Variants in RNF11 observed in about 807,000 individuals in gnomAD.
RNF11 encodes the protein ring finger protein 11.
Under a neutral mutation model 15.8 loss-of-function variants are expected in RNF11, and 4 were observed. The ratio of observed to expected loss-of-function variants is 0.25; its 90% CI spans 0.12 to 0.58. The LOEUF (loss-of-function observed/expected upper bound fraction) is 0.58. Among genes scored for constraint, RNF11 ranks in the 20% least tolerant of loss-of-function variants. The pLI, the probability that RNF11 is intolerant of heterozygous loss-of-function variation, is 0.91. For missense variants in RNF11, 139 were observed against 194.4 expected (o/e 0.71, Z 1.70); for synonymous variants, 68 against 72.3 (o/e 0.94, Z 0.30).
chr1:51,261,230 G>T (rs1051780316), intron 1 of RNF11, among the ~76,000 whole-genome samples: 2 of 152,090 alleles, frequency 1.3e-5, no homozygotes, highest in Admixed American at 1.3e-4. Context: ...ACCCTTTAAG[G>T]TCAGGGATAG....
Position 51,236,660 on chromosome 1 carries a change from C to T in RNF11, c.-97C>T. ...CTCCGCCTGATCCCCGGCCTGTCGC[C>T]CGACCCCACCTCGCCAACCGAGGCG... On this transcript the variant is annotated 5_prime_UTR_variant, in exon 1 of 3. Transcript: ENST00000242719. 2 of 1,541,256 alleles carry T rather than the reference C, an allele frequency of 1.3e-6. No individual in the cohort carries two copies. The highest frequency in any genetic ancestry group is 1.8e-6 in the Non-Finnish European group (2 of 1,129,624).
chr1:51,241,575 A>G (rs183824436), intron 1 of RNF11, among the ~76,000 whole-genome samples: 1 of 152,366 alleles, frequency 6.6e-6, no homozygotes, highest in Non-Finnish European at 1.5e-5. Flanking sequence ...TATTTATGTA[A>G]TGGGAAAGTA....
intron 1 of RNF11, among the ~76,000 whole-genome samples, chr1:51,253,700 A>G (rs1646891646): frequency 6.6e-6 from 1 of 152,174 alleles, no homozygotes; most frequent in Non-Finnish European, 1.5e-5. Flanking sequence ...AATTTTATGA[A>G]GAAGAATGTT....
chr1:51,263,963 G>A (rs1031173504), intron 1 of RNF11, among the ~76,000 whole-genome samples: 2 of 152,028 alleles, frequency 1.3e-5, no homozygotes, highest in African/African-American at 2.4e-5. Flanking sequence ...GCTGAGATGT[G>A]CTTTTTAAGG....
chr1:51,244,572 G>A (rs1434325397), intron 1 of RNF11, among the ~76,000 whole-genome samples: 1 of 152,014 alleles, frequency 6.6e-6, no homozygotes, highest in Non-Finnish European at 1.5e-5. Flanking sequence ...ATTTTTAGTA[G>A]GGACGGGGTT....
At chr1:51,243,850 T>C (rs12728955) in intron 1 of RNF11, among the ~76,000 whole-genome samples, 6,221 of 152,344 alleles carry the variant, frequency 0.041, 189 homozygotes, top group Non-Finnish European at 0.061. Context: ...GTGCTTTCTT[T>C]TATACAACCT....
chr1:51,257,450 A>AT (rs1415674508), intron 1 of RNF11, among the ~76,000 whole-genome samples: 7 of 151,730 alleles, frequency 4.6e-5, no homozygotes, highest in Admixed American at 1.3e-4. Context: ...TTTTATTTAC[A>AT]TTTTTTGTTT....
chr1:51,267,177 T>G (rs1279326458), intron 1 of RNF11, among the ~76,000 whole-genome samples: 1 of 152,190 alleles, frequency 6.6e-6, no homozygotes, highest in African/African-American at 2.4e-5. Context: ...AGTTGGAGGT[T>G]GCAGTGAGAT....
Position 51,250,676 on chromosome 1 carries a change from T to G in RNF11, c.123+13797T>G, listed in dbSNP as rs1646873229. ...GGGCCTTGATGAGGTGGTCAGTGAATTCCTGATCGGGAGACTTGGTAAATA... is the reference window on the plus strand; with the variant it reads ...GGGCCTTGATGAGGTGGTCAGTGAAGTCCTGATCGGGAGACTTGGTAAATA... On this transcript the variant is annotated intron_variant, in intron 1 of 2. Transcript: ENST00000242719. The G allele has an allele frequency of 1.0e-5, 9 of 904,078 alleles. No individual in the cohort carries two copies. In the East Asian group the frequency reaches 2.1e-4, roughly 21 times the overall value. 56.0% of individuals were successfully genotyped at this position (904,078 alleles called of 1,614,324 possible). A position where few individuals can be genotyped will look rare whatever the true frequency, so the allele number is the denominator to read the frequency against.
chr1:51,246,982 AAAAAAAAAAAAAAAG>A (rs1646854727), intron 1 of RNF11, among the ~76,000 whole-genome samples: 1 of 150,118 alleles, frequency 6.7e-6, no homozygotes, highest in Non-Finnish European at 1.5e-5. Flanking sequence ...TATCTCTTAA[AAAAAAAAAAAAAAAG>A]GAAAAAATAA....
Position 51,236,646 on chromosome 1 carries a change from C to T in RNF11, c.-111C>T, listed in dbSNP as rs1646804182. ...GGCGGTGGAGTCGCCTCCGCCTGATCCCCGGCCTGTCGCCCGACCCCACCT... is the reference window on the plus strand; with the variant it reads ...GGCGGTGGAGTCGCCTCCGCCTGATTCCCGGCCTGTCGCCCGACCCCACCT... On this transcript the variant is annotated 5_prime_UTR_variant, in exon 1 of 3. Transcript: ENST00000242719. The T allele has an allele frequency of 6.8e-6, 10 of 1,468,408 alleles. No individual in the cohort carries two copies. Among genetic ancestry groups the T allele is most frequent in the Admixed American group, 1.8e-5 (1 of 55,880 alleles). 91.0% of individuals were successfully genotyped at this position (1,468,408 alleles called of 1,614,324 possible). A position where few individuals can be genotyped will look rare whatever the true frequency, so the allele number is the denominator to read the frequency against.
chr1:51,252,081 C>CAAAAAAAAAAAAAAAAA (rs928146865), intron 1 of RNF11, among the ~76,000 whole-genome samples: 1 of 53,638 alleles, frequency 1.9e-5, no homozygotes, highest in Non-Finnish European at 3.6e-5. Context: ...CATCTCAAAG[C>CAAAAAAAAAAAAAAAAA]AAAAAAAAAA....
Position 51,272,438 on chromosome 1 carries a change from AAGC to A in RNF11, c.*1119_*1121del, listed in dbSNP as rs1646983538. ...ATCCTGCTAGCTGACTGACAAAACTAAGCAGGGAGAATAAAGATAATTGTATTT... is the reference window on the plus strand; with the variant it reads ...ATCCTGCTAGCTGACTGACAAAACTAAGGGAGAATAAAGATAATTGTATTT... On this transcript the variant is annotated 3_prime_UTR_variant, in exon 3 of 3. Transcript: ENST00000242719. The A allele has an allele frequency of 6.6e-6, 1 of 152,610 alleles. No individual in the cohort carries two copies. Among genetic ancestry groups the A allele is most frequent in the Non-Finnish European group, 1.5e-5 (1 of 68,024 alleles). The allele number at this position is 152,610 out of a possible 1,614,324, so 9.5% of individuals were successfully genotyped here.
intron 2 of RNF11, 36 bp downstream of exon 2, chr1:51,270,161 A>T: frequency 1.3e-6 from 2 of 1,532,622 alleles, no homozygotes; most frequent in Non-Finnish European, 1.8e-6. Flanking sequence ...TCAAAGTTTT[A>T]TTTTCAGATT....
intron 1 of RNF11, among the ~76,000 whole-genome samples, chr1:51,254,097 C>G (rs1222659585): frequency 6.6e-6 from 1 of 152,176 alleles, no homozygotes; most frequent in African/African-American, 2.4e-5. Flanking sequence ...TAAAGCATAC[C>G]TCTTTGGTGA....
At chr1:51,253,678 T>G (rs1034463555) in intron 1 of RNF11, among the ~76,000 whole-genome samples, 1 of 152,180 alleles carries the variant, frequency 6.6e-6, no homozygotes, top group African/African-American at 2.4e-5. Context: ...GGATATAAAA[T>G]ACACTGCCAT....
intron 1 of RNF11, among the ~76,000 whole-genome samples, chr1:51,263,811 A>G (rs963455581): frequency 1.3e-5 from 2 of 152,150 alleles, no homozygotes; most frequent in African/African-American, 4.8e-5. Flanking sequence ...AAAATTGATA[A>G]GTGATGGTTG....
At chr1:51,262,439 A>T (rs1646934312) in intron 1 of RNF11, among the ~76,000 whole-genome samples, 1 of 152,268 alleles carries the variant, frequency 6.6e-6, no homozygotes, top group South Asian at 2.1e-4. Context: ...TACTGAAAGT[A>T]AAAGTAACCA....
In RNF11 at chr1:51,249,348, A is replaced by C. The variant is rs74083035; in HGVS notation, c.123+12469A>C. Among the ~76,000 whole-genome samples, 1,344 of 152,250 alleles carry C rather than the reference A, an allele frequency of 8.8e-3. 15 individuals carry two copies. Among genetic ancestry groups the C allele is most frequent in the African/African-American group, 0.031 (1,291 of 41,550 alleles). ...TGGGCTCAAGTGATCTTCCTGCCTC[A>C]GCCTCCCAAAGCTCTGGGATTACAG... is the stretch of plus-strand genomic sequence containing the variant. On this transcript the variant is annotated intron_variant, in intron 1 of 2. Transcript: ENST00000242719.
Sources: gnomAD v4.1 joint callset for allele counts (sites outside exome capture counted in the v4.1 genomes callset) on GRCh38, gnomAD v4.1.1 for gene constraint, MANE v1.5 for transcripts, NCBI Gene and HGNC (gene_info 2026-07-23, HGNC 2026-07-21) for gene names.